Variants in ARK2C observed in about 807,000 individuals in gnomAD.
ARK2C encodes the protein E3 ubiquitin-protein ligase ARK2C.
At chr18:46,359,339 G>A in the ARK2C span, among the ~76,000 whole-genome samples, 1 of 152,196 alleles carries the variant, frequency 6.6e-6, no homozygotes, top group Non-Finnish European at 1.5e-5. Flanking sequence ...TGTGCAGGCA[G>A]CTGTGGGGAG....
the ARK2C span, among the ~76,000 whole-genome samples, chr18:46,454,110 C>CAAAA: frequency 3.6e-4 from 6 of 16,630 alleles, 1 homozygote; most frequent in Non-Finnish European, 3.9e-4. Context: ...AAGGCCGTCT[C>CAAAA]AAAAAAAAAA....
the ARK2C span, among the ~76,000 whole-genome samples, chr18:46,406,486 G>A: frequency 2.0e-5 from 3 of 152,218 alleles, no homozygotes; most frequent in Non-Finnish European, 4.4e-5. Context: ...TCCTTGGAGT[G>A]GAACACAGGT....
chr18:46,353,081 G>A, the ARK2C span, among the ~76,000 whole-genome samples: 1 of 152,224 alleles, frequency 6.6e-6, no homozygotes, highest in Non-Finnish European at 1.5e-5. Context: ...ACCGGCCTGT[G>A]GCGATTGGAT....
chr18:46,420,787 G>A, the ARK2C span, among the ~76,000 whole-genome samples: 1 of 151,988 alleles, frequency 6.6e-6, no homozygotes, highest in Non-Finnish European at 1.5e-5. Context: ...GGAGGTTGCA[G>A]TGAGCCTAGA....
chr18:46,423,744 G>C, the ARK2C span, among the ~76,000 whole-genome samples: 1 of 152,232 alleles, frequency 6.6e-6, no homozygotes, highest in Non-Finnish European at 1.5e-5. Flanking sequence ...CTGGCCTCCA[G>C]ATCTTCATCT....
the ARK2C span, among the ~76,000 whole-genome samples, chr18:46,407,290 G>A: frequency 2.0e-5 from 3 of 152,064 alleles, no homozygotes; most frequent in Non-Finnish European, 4.4e-5. Context: ...AGTCTTTTGG[G>A]GTAAGATTCT....
At chr18:46,347,668 A>G in the ARK2C span, among the ~76,000 whole-genome samples, 1 of 152,128 alleles carries the variant, frequency 6.6e-6, no homozygotes, top group African/African-American at 2.4e-5. Flanking sequence ...AGTAGGGGCT[A>G]CACTAATTGT....
chr18:46,395,907 C>T, the ARK2C span, among the ~76,000 whole-genome samples: 4 of 152,160 alleles, frequency 2.6e-5, no homozygotes, highest in Admixed American at 6.6e-5. Context: ...GTAGTTCTTC[C>T]GATCTCATTT....
chr18:46,427,812 C>A, the ARK2C span, among the ~76,000 whole-genome samples: 1 of 152,198 alleles, frequency 6.6e-6, no homozygotes, highest in African/African-American at 2.4e-5. Context: ...CTCAAGGTAG[C>A]CACTGCCAGG....
the ARK2C span, chr18:46,433,600 C>T: frequency 8.9e-7 from 1 of 1,120,454 alleles, no homozygotes; most frequent in South Asian, 1.7e-5. Context: ...GGGCGTGGCC[C>T]GGGTGTGGCG....
chr18:46,384,448 C>A, the ARK2C span, among the ~76,000 whole-genome samples: 1 of 152,196 alleles, frequency 6.6e-6, no homozygotes, highest in East Asian at 1.9e-4. Context: ...GCCCCTCTTT[C>A]TTAAAATATA....
the ARK2C span, chr18:46,334,713 T>TGAGA: frequency 1.0e-5 from 1 of 97,504 alleles, no homozygotes; most frequent in African/African-American, 4.1e-5. The surrounding 1 kb of genome is among the most constrained non-coding windows in gnomAD (Gnocchi z 4.4). Context: ...TGTGTGTGTG[T>TGAGA]GTGAGAGAGA....
the ARK2C span, among the ~76,000 whole-genome samples, chr18:46,405,010 A>T: frequency 3.3e-5 from 5 of 152,084 alleles, no homozygotes; most frequent in African/African-American, 1.2e-4. Context: ...TGGACCACAG[A>T]GCTTAGCTTG....
the ARK2C span, among the ~76,000 whole-genome samples, chr18:46,368,993 T>A: frequency 6.6e-6 from 1 of 152,250 alleles, no homozygotes; most frequent in Admixed American, 6.5e-5. Flanking sequence ...CTTACTTAGA[T>A]TGTCTGATGT....
the ARK2C span, among the ~76,000 whole-genome samples, chr18:46,407,891 G>A: frequency 6.6e-6 from 1 of 152,346 alleles, no homozygotes; most frequent in African/African-American, 2.4e-5. Context: ...CTGGCATACT[G>A]AGAAGCACAG....
At chr18:46,368,194 T>C in the ARK2C span, among the ~76,000 whole-genome samples, 1 of 152,254 alleles carries the variant, frequency 6.6e-6, no homozygotes, top group Non-Finnish European at 1.5e-5. Flanking sequence ...CTTTCCAGGC[T>C]AAGCTTATTG....
the ARK2C span, among the ~76,000 whole-genome samples, chr18:46,423,421 C>T: frequency 2.0e-5 from 3 of 152,194 alleles, no homozygotes; most frequent in African/African-American, 7.2e-5. Context: ...TTCTTGGTTA[C>T]TGTCATAGGC....
At chr18:46,443,023 A>G in the ARK2C span, among the ~76,000 whole-genome samples, 7 of 152,254 alleles carry the variant, frequency 4.6e-5, no homozygotes, top group African/African-American at 1.4e-4. Flanking sequence ...GTAACCTAGT[A>G]TCTACATATT....
the ARK2C span, among the ~76,000 whole-genome samples, chr18:46,432,814 G>A: frequency 1.3e-5 from 2 of 152,092 alleles, no homozygotes; most frequent in African/African-American, 4.8e-5. Context: ...GCGCGGTGGC[G>A]GGCGCCTGTA....
Sources: gnomAD v4.1 joint callset for allele counts (sites outside exome capture counted in the v4.1 genomes callset) on GRCh38, gnomAD v4.1.1 for gene constraint, Gnocchi (gnomAD v3.1) non-coding constraint, MANE v1.5 for transcripts, NCBI Gene and HGNC (gene_info 2026-07-23, HGNC 2026-07-21) for gene names.